Variants in EDA observed in about 807,000 individuals in gnomAD.
EDA encodes ectodysplasin A, also known as ectodysplasin-A.
Under a neutral mutation model 23.6 loss-of-function variants are expected in EDA, and 2 were observed. The observed-to-expected ratio is 0.08, with a 90% CI of 0.03 to 0.27. The LOEUF (loss-of-function observed/expected upper bound fraction) is 0.27, where lower values mean the gene tolerates loss of function less well. Among genes scored for constraint, EDA ranks in the 10% least tolerant of loss-of-function variants. EDA has a pLI of 1.00. For missense variants in EDA, 229 were observed against 324.2 expected (o/e 0.71, Z 2.26); for synonymous variants, 131 against 132.0 (o/e 0.99, Z 0.05).
intron 1 of EDA, among the ~76,000 whole-genome samples, chrX:69,685,766 C>A (rs1934520171): frequency 8.9e-6 from 1 of 111,761 alleles, no homozygotes; most frequent in Admixed American, 9.6e-5. Context: ...TTAACCTCTA[C>A]AAACTACACA....
At chrX:69,907,746 T>A (rs955139220) in intron 1 of EDA, among the ~76,000 whole-genome samples, 1 of 111,663 alleles carries the variant, frequency 9.0e-6, no homozygotes, top group African/African-American at 3.2e-5. Context: ...ATTAATGATA[T>A]TGATGTTCAA....
intron 6 of EDA, among the ~76,000 whole-genome samples, chrX:70,031,431 C>G (rs2020198579): frequency 8.9e-6 from 1 of 111,773 alleles, no homozygotes; most frequent in South Asian, 3.8e-4. Flanking sequence ...GAATAATGTC[C>G]AGTCCCCAGA....
chrX:69,704,122 T>C (rs1286883945), intron 1 of EDA, among the ~76,000 whole-genome samples: 1 of 111,776 alleles, frequency 8.9e-6, no homozygotes, highest in Non-Finnish European at 1.9e-5. Context: ...TGAGAACGTG[T>C]GCTACAGCTT....
intron 1 of EDA, among the ~76,000 whole-genome samples, chrX:69,681,190 T>C (rs1212553130): frequency 1.2e-4 from 13 of 111,648 alleles, no homozygotes; most frequent in African/African-American, 3.3e-4. Flanking sequence ...CGGAGAGATC[T>C]GCTGTTAGTC....
At chrX:69,957,243 G>A in intron 2 of EDA, 111 bp downstream of exon 2, 1 of 780,460 alleles carries the variant, frequency 1.3e-6, no homozygotes, top group Non-Finnish European at 1.9e-6. Context: ...TGTAATCCTA[G>A]CACTTTGGGA....
At chrX:69,805,054 A>G (rs1471115632) in intron 1 of EDA, among the ~76,000 whole-genome samples, 1 of 111,653 alleles carries the variant, frequency 9.0e-6, no homozygotes, top group Non-Finnish European at 1.9e-5. Flanking sequence ...TCTGGTTCAA[A>G]GCTTTCCATC....
At chrX:70,020,279 C>T (rs1182578514) in intron 2 of EDA, among the ~76,000 whole-genome samples, 2 of 111,616 alleles carry the variant, frequency 1.8e-5, no homozygotes, top group Non-Finnish European at 3.8e-5. Context: ...TATGTGGGGC[C>T]GGGTGCAGTG....
intron 1 of EDA, among the ~76,000 whole-genome samples, chrX:69,791,514 G>C (rs1260254839): frequency 1.8e-5 from 2 of 112,122 alleles, no homozygotes; most frequent in Non-Finnish European, 3.8e-5. Flanking sequence ...AGAGGGATAA[G>C]ATGTAGAAAA....
At chrX:69,936,377 G>A (rs1466688018) in intron 1 of EDA, among the ~76,000 whole-genome samples, 1 of 111,258 alleles carries the variant, frequency 9.0e-6, no homozygotes, top group African/African-American at 3.3e-5. Flanking sequence ...CCTGAAGGGG[G>A]TAAGACTGGT....
intron 1 of EDA, among the ~76,000 whole-genome samples, chrX:69,617,574 T>C (rs1932024908): frequency 9.0e-6 from 1 of 111,499 alleles, no homozygotes; most frequent in Non-Finnish European, 1.9e-5. Flanking sequence ...TTAGCTTTGG[T>C]GTTTGTTTTC....
At chrX:69,893,023 T>C (rs1266434007) in intron 1 of EDA, among the ~76,000 whole-genome samples, 1 of 111,402 alleles carries the variant, frequency 9.0e-6, no homozygotes, top group African/African-American at 3.3e-5. Flanking sequence ...AACAAAAATT[T>C]GTAATCTCAC....
intron 1 of EDA, among the ~76,000 whole-genome samples, chrX:69,928,799 T>A (rs983359387): frequency 2.8e-4 from 31 of 111,909 alleles, no homozygotes; most frequent in Non-Finnish European, 4.7e-4. Flanking sequence ...ATGTTTAACA[T>A]TTATTAAAGT....
chrX:70,026,011 C>T (rs1266120083), intron 3 of EDA, among the ~76,000 whole-genome samples: 1 of 112,086 alleles, frequency 8.9e-6, no homozygotes, highest in African/African-American at 3.2e-5. Flanking sequence ...AGGCATTGTT[C>T]TTAAGGGAGG....
chrX:70,028,099 G>A, intron 4 of EDA, 63 bp downstream of exon 4: 2 of 1,169,127 alleles, frequency 1.7e-6, no homozygotes, highest in Admixed American at 2.5e-5. Flanking sequence ...GAGCAGGAGT[G>A]GGTGATCCTG....
chrX:69,957,229 C>G, intron 2 of EDA, 97 bp downstream of exon 2: 1 of 855,216 alleles, frequency 1.2e-6, no homozygotes, highest in Non-Finnish European at 1.7e-6. Flanking sequence ...TGGTGGCTCA[C>G]GCCTGTAATC....
chrX:69,891,125 A>G (rs2017922979), intron 1 of EDA, among the ~76,000 whole-genome samples: 1 of 112,411 alleles, frequency 8.9e-6, no homozygotes, highest in Non-Finnish European at 1.9e-5. Context: ...CCAAAAACAT[A>G]TGAACAAAAG....
intron 1 of EDA, among the ~76,000 whole-genome samples, chrX:69,665,921 C>T (rs2147261041): frequency 9.0e-6 from 1 of 111,175 alleles, no homozygotes; most frequent in East Asian, 2.8e-4. Context: ...GACATTTCAT[C>T]AATATTAATT....
chrX:69,717,665 G>GC (rs774406698), intron 1 of EDA, among the ~76,000 whole-genome samples: 1,488 of 109,878 alleles, frequency 0.014, 7 homozygotes, highest in Non-Finnish European at 0.022. Context: ...GACTACAGGT[G>GC]CCCACCACCA....
At chrX:70,032,554 G>C (rs774905655) in intron 6 of EDA, among the ~76,000 whole-genome samples, 1 of 111,591 alleles carries the variant, frequency 9.0e-6, no homozygotes, top group South Asian at 3.8e-4. Flanking sequence ...TGGTGGGAAG[G>C]AACATTCCTC....
Sources: allele counts gnomAD v4.1 joint callset (sites outside exome capture counted in the v4.1 genomes callset), GRCh38; gene constraint gnomAD v4.1.1; transcripts MANE v1.5; gene names NCBI Gene and HGNC (gene_info 2026-07-23, HGNC 2026-07-21).